RNLS: variants seen among roughly 807,000 people sequenced by gnomAD.
RNLS encodes renalase.
In RNLS, 39 loss-of-function variants were observed where a neutral mutation model predicts 39.8. That is an observed-to-expected ratio of 0.98 (90% CI 0.76 to 1.28). The LOEUF (loss-of-function observed/expected upper bound fraction) is 1.28. RNLS is among the 50% of genes most tolerant of loss of function. RNLS has a pLI of 0.00. For missense variants in RNLS, 410 were observed against 413.3 expected, an observed-to-expected ratio of 0.99 and a Z score of 0.07; for synonymous variants, 147 against 150.7, an observed-to-expected ratio of 0.98 and a Z score of 0.18.
intron 5 of RNLS, among the ~76,000 whole-genome samples, chr10:88,342,293 C>A (rs1236090285): frequency 6.6e-6 from 1 of 152,136 alleles, no homozygotes; most frequent in African/African-American, 2.4e-5. Context: ...TTGGGACATG[C>A]CTATTCATCA....
chr10:88,219,196 T>C, the RNLS span, among the ~76,000 whole-genome samples: 1 of 152,234 alleles, frequency 6.6e-6, no homozygotes, highest in African/African-American at 2.4e-5. Context: ...CATAACTAAA[T>C]GATATTGCAT....
At chr10:88,253,884 C>T in the RNLS span, among the ~76,000 whole-genome samples, 22 of 152,170 alleles carry the variant, frequency 1.4e-4, no homozygotes, top group African/African-American at 5.3e-4. Flanking sequence ...TGTTAGGTGG[C>T]AAAGGCTCAA....
At chr10:88,423,964 A>T in intron 4 of RNLS, among the ~76,000 whole-genome samples, 1 of 152,184 alleles carries the variant, frequency 6.6e-6, no homozygotes, top group Non-Finnish European at 1.5e-5. Context: ...TCACTGTGTG[A>T]CCTAGGGACA....
chr10:88,202,503 C>T, the RNLS span, among the ~76,000 whole-genome samples: 1 of 152,196 alleles, frequency 6.6e-6, no homozygotes, highest in Non-Finnish European at 1.5e-5. Flanking sequence ...CCTGTACCAG[C>T]CCTCCATGGC....
At chr10:88,209,366 A>C in the RNLS span, among the ~76,000 whole-genome samples, 1 of 152,132 alleles carries the variant, frequency 6.6e-6, no homozygotes, top group Non-Finnish European at 1.5e-5. Flanking sequence ...AAAGAAGAGA[A>C]GACGCACAGA....
intron 5 of RNLS, among the ~76,000 whole-genome samples, chr10:88,356,929 T>C (rs896062448): frequency 6.6e-6 from 1 of 152,214 alleles, no homozygotes; most frequent in South Asian, 2.1e-4. Context: ...CCTCAGATGG[T>C]GACAAGGAAA....
At chr10:88,196,977 C>T in the RNLS span, among the ~76,000 whole-genome samples, 1 of 152,200 alleles carries the variant, frequency 6.6e-6, no homozygotes, top group Non-Finnish European at 1.5e-5. Context: ...TGTTGCTAGA[C>T]ATCAGCTCCT....
At chr10:88,316,258 G>A (rs979400027) in intron 5 of RNLS, among the ~76,000 whole-genome samples, 1 of 152,198 alleles carries the variant, frequency 6.6e-6, no homozygotes, top group Admixed American at 6.5e-5. Flanking sequence ...CTCTTTGAAT[G>A]TTCAATGTGT....
intron 4 of RNLS, among the ~76,000 whole-genome samples, chr10:88,474,490 T>C (rs1843699192): frequency 1.3e-5 from 2 of 152,134 alleles, no homozygotes; most frequent in African/African-American, 4.8e-5. Flanking sequence ...CTGGACAAAT[T>C]TGCAAATGCC....
Position 88,285,292 on chromosome 10 carries a change from C to A in RNLS, c.*62G>T. On this transcript the variant is annotated 3_prime_UTR_variant, in exon 7 of 7. Transcript: ENST00000331772. ...TTAGCAAAATAGAAAACAAAATAATCAATAACAGAAAATTGTGAAAATAAA... is the reference window on the plus strand; with the variant it reads ...TTAGCAAAATAGAAAACAAAATAATAAATAACAGAAAATTGTGAAAATAAA... The A allele has an allele frequency of 2.1e-6, 3 of 1,434,802 alleles. No individual in the cohort carries two copies. The highest frequency in any genetic ancestry group is 1.6e-5 in the South Asian group (1 of 61,006). 88.9% of individuals were successfully genotyped at this position (1,434,802 alleles called of 1,614,324 possible).
chr10:88,362,464 A>G (rs528230052), intron 5 of RNLS, 88 bp downstream of exon 5: 2 of 1,253,556 alleles, frequency 1.6e-6, no homozygotes, highest in Non-Finnish European at 1.1e-6. Context: ...TGCTCTGTTC[A>G]GAATGGCAAC....
chr10:88,481,959 T>A (rs1408351502), intron 4 of RNLS, among the ~76,000 whole-genome samples: 1 of 152,182 alleles, frequency 6.6e-6, no homozygotes, highest in East Asian at 1.9e-4. Context: ...TTTTAATGAA[T>A]ATAGAATTCT....
intron 4 of RNLS, among the ~76,000 whole-genome samples, chr10:88,496,456 C>T (rs1220377729): frequency 1.3e-5 from 2 of 152,240 alleles, no homozygotes; most frequent in Middle Eastern, 3.4e-3. Flanking sequence ...CACTGAAATG[C>T]AGAAAAACTA....
the RNLS span, among the ~76,000 whole-genome samples, chr10:88,252,605 CTG>C: frequency 1.3e-5 from 2 of 152,218 alleles, no homozygotes; most frequent in Non-Finnish European, 2.9e-5. Flanking sequence ...AAAACATTCT[CTG>C]TGTGACTCCT....
chr10:88,321,069 A>C lies in RNLS; in HGVS notation c.701-6428T>G, dbSNP rs970879616. ...TTGGCCATATAGCAAATCTTAATAC[A>C]TTTAAAAACATCAAAATCATATCAA... On this transcript the variant is annotated intron_variant, in intron 5 of 6. Transcript: ENST00000331772. Among the ~76,000 whole-genome samples the C allele has an allele frequency of 3.9e-5, 6 of 152,088 alleles. No individual in the cohort carries two copies. The South Asian group carries it at 1.2e-3, about 32-fold the overall frequency.
chr10:88,228,939 T>A, the RNLS span, among the ~76,000 whole-genome samples: 2 of 152,192 alleles, frequency 1.3e-5, no homozygotes, highest in Admixed American at 1.3e-4. Flanking sequence ...TAGCTCAGAC[T>A]TTTCTTTGCA....
chr10:88,257,077 C>T, the RNLS span, among the ~76,000 whole-genome samples: 2 of 152,086 alleles, frequency 1.3e-5, no homozygotes, highest in African/African-American at 4.8e-5. Context: ...CTAAAATTTC[C>T]CTACTGAGCT....
intron 6 of RNLS, among the ~76,000 whole-genome samples, chr10:88,296,077 A>C (rs2132920183): frequency 6.6e-6 from 1 of 152,292 alleles, no homozygotes; most frequent in South Asian, 2.1e-4. Context: ...TAATTCTTCA[A>C]ATATTTGTTT....
intron 4 of RNLS, among the ~76,000 whole-genome samples, chr10:88,502,345 G>A (rs1380980145): frequency 7.6e-6 from 1 of 132,244 alleles, no homozygotes; most frequent in East Asian, 2.2e-4. Flanking sequence ...GGGGCGGGGT[G>A]GGGAGGTGAG....
Sources: allele counts gnomAD v4.1 joint callset (sites outside exome capture counted in the v4.1 genomes callset), GRCh38; gene constraint gnomAD v4.1.1; transcripts MANE v1.5; gene names NCBI Gene and HGNC (gene_info 2026-07-23, HGNC 2026-07-21).